MID2: variants seen among roughly 807,000 people sequenced by gnomAD.
MID2 encodes the protein probable E3 ubiquitin-protein ligase MID2.
Under a neutral mutation model 46.1 loss-of-function variants are expected in MID2, and 13 were observed. That is an observed-to-expected ratio of 0.28 (90% CI 0.18 to 0.45). The LOEUF is 0.45. MID2 is among the 20% of genes least tolerant of loss of function. The pLI, the probability that MID2 is intolerant of heterozygous loss-of-function variation, is 1.00. For missense variants in MID2, 431 were observed against 575.4 expected (o/e 0.75, Z 2.57); for synonymous variants, 199 against 212.3 (o/e 0.94, Z 0.55).
Position 107,889,044 on chromosome X carries a change from A to C in MID2, c.817-14914A>C, listed in dbSNP as rs772361420. On this transcript the variant is annotated intron_variant, in intron 3 of 9. Coordinates refer to ENST00000262843, the MANE Select transcript of MID2 (RefSeq NM_012216.4). Reference sequence around the variant, plus strand: ...CACTTGAGATGGGTTTCCTGAATACAGCACACTGATGGGTCTTGACTCTTT... The same window carrying C: ...CACTTGAGATGGGTTTCCTGAATACCGCACACTGATGGGTCTTGACTCTTT... 6.9e-3 allele frequency among the ~76,000 whole-genome samples: 763 copies of C among 111,347 alleles called. 5 individuals are homozygous for C. Among genetic ancestry groups the C allele is most frequent in the African/African-American group, 0.024 (730 of 30,522 alleles).
At chrX:107,870,263 A>C (rs1231266023) in intron 3 of MID2, among the ~76,000 whole-genome samples, 2 of 110,799 alleles carry the variant, frequency 1.8e-5, no homozygotes, top group Non-Finnish European at 3.8e-5. Flanking sequence ...CAGAACTGAA[A>C]TCAATCTATA....
rs1351066027 is a variant in MID2 at position 107,928,403 on chromosome X, A to G, written c.*1330A>G. 9.3e-6 allele frequency among the ~76,000 whole-genome samples: 1 copy of G among 107,505 alleles called. No homozygotes were observed. Among genetic ancestry groups the G allele is most frequent in the East Asian group, 2.9e-4 (1 of 3,483 alleles). The allele number at this position is 107,505 out of a possible 115,157, so 93.4% of individuals were successfully genotyped here. On this transcript the variant is annotated 3_prime_UTR_variant, in exon 10 of 10. Transcript: ENST00000262843. The stretch of plus-strand genomic sequence containing the variant: ...AGGGAATGGAGCCTTGTAGTCTATG[A>G]TTTTTTTTTTTAAATTTCCATCGAA...
rs1167806786 is a variant in MID2 at position 107,900,984 on chromosome X, C to G, written c.817-2974C>G. Among the ~76,000 whole-genome samples the G allele has an allele frequency of 1.8e-5, 2 of 111,846 alleles. 1 individual carries two copies. Among genetic ancestry groups the G allele is most frequent in the Middle Eastern group, 8.4e-3 (2 of 237 alleles). ...GTAATGAAGACATGATTTTTCCTGG[C>G]TTCAGAGTAGAGGAAGGATTATGAG... On this transcript the variant is annotated intron_variant, in intron 3 of 9. Coordinates refer to ENST00000262843, the MANE Select transcript of MID2 (RefSeq NM_012216.4).
chrX:107,841,031 G>A lies in MID2; in HGVS notation c.366G>A (p.Arg122=), dbSNP rs762588365. 14 of 1,209,506 alleles carry A rather than the reference G, an allele frequency of 1.2e-5. 1 individual carries two copies. The Admixed American group carries it at 1.5e-4, about 13-fold the overall frequency. The change falls in exon 2 of 10, where the codon CGG becomes CGA. Residue 122 remains arginine (R), a synonymous_variant. Coordinates refer to ENST00000262843, the MANE Select transcript of MID2 (RefSeq NM_012216.4). ...SGPNSPSESR[R]ERTYRPTTAM... ...CCAATTCCCCTAGTGAGAGCCGCCG[G>A]GAAAGGACTTACAGGCCCACCACTG...
At chrX:107,884,900 T>A (rs1285330977) in intron 3 of MID2, among the ~76,000 whole-genome samples, 1 of 111,605 alleles carries the variant, frequency 9.0e-6, no homozygotes, top group Non-Finnish European at 1.9e-5. Flanking sequence ...GTTGTGAAGA[T>A]CAAATATAGA....
intron 3 of MID2, among the ~76,000 whole-genome samples, chrX:107,869,759 C>T (rs1316002130): frequency 9.0e-6 from 1 of 110,616 alleles, no homozygotes; most frequent in East Asian, 2.8e-4. Flanking sequence ...TTTTTAAAAG[C>T]ATATGGAGAA....
intron 3 of MID2, among the ~76,000 whole-genome samples, chrX:107,877,469 G>A (rs1932224895): frequency 8.9e-6 from 1 of 112,226 alleles, no homozygotes; most frequent in Admixed American, 9.4e-5. Context: ...CCTTCTTTCA[G>A]TGAAAACTTG....
chrX:107,931,541 G>A lies in MID2; in HGVS notation c.*4468G>A, dbSNP rs928172203. Among the ~76,000 whole-genome samples, 1 of 111,985 alleles carries A rather than the reference G, an allele frequency of 8.9e-6. No individual in the cohort carries two copies. The highest frequency in any genetic ancestry group is 1.9e-5 in the Non-Finnish European group (1 of 53,178). On this transcript the variant is annotated 3_prime_UTR_variant, in exon 10 of 10. Transcript: ENST00000262843. Reference sequence around the variant, plus strand: ...GTCTCTCCTAGTGACAGAAATATGAGCATCTGTGGATTACACAGCCTCATC... The same window carrying A: ...GTCTCTCCTAGTGACAGAAATATGAACATCTGTGGATTACACAGCCTCATC...
At position 107,840,605 on chromosome X, in the gene MID2, A is replaced by G; in HGVS notation, c.5-65A>G. 3 of 913,019 alleles carry G rather than the reference A, an allele frequency of 3.3e-6. No homozygotes were observed. In the Admixed American group the frequency reaches 7.4e-5, roughly 22 times the overall value. 75.2% of individuals were successfully genotyped at this position (913,019 alleles called of 1,213,427 possible). A position where few individuals can be genotyped will look rare whatever the true frequency, so the allele number is the denominator to read the frequency against. ...CGTAAACGCGCCCATTGGTTAGTGT[A>G]TAATTGTGTTATATCCATTTTCCTT... On this transcript the variant is annotated intron_variant, in intron 1 of 9. Coordinates refer to ENST00000262843, the MANE Select transcript of MID2 (RefSeq NM_012216.4).
chrX:107,931,107 C>T lies in MID2; in HGVS notation c.*4034C>T, dbSNP rs1299841031. On this transcript the variant is annotated 3_prime_UTR_variant, in exon 10 of 10. Transcript: ENST00000262843. Reference sequence around the variant, plus strand: ...TTATCTGTTCTTTTCGGCTAAAACACTCTAGGTGAATTTTCTAAACTTCCA... The same window carrying T: ...TTATCTGTTCTTTTCGGCTAAAACATTCTAGGTGAATTTTCTAAACTTCCA... Among the ~76,000 whole-genome samples, 2 of 112,280 alleles carry T rather than the reference C, an allele frequency of 1.8e-5. No homozygotes were observed. The highest frequency in any genetic ancestry group is 6.5e-5 in the African/African-American group (2 of 30,975).
intron 5 of MID2, among the ~76,000 whole-genome samples, chrX:107,906,178 C>T (rs1932834186): frequency 9.0e-6 from 1 of 111,696 alleles, no homozygotes; most frequent in Middle Eastern, 4.2e-3. Context: ...CATCCATAGA[C>T]CACTGGCAAA....
chrX:107,850,462 G>T (rs969705338), intron 2 of MID2, among the ~76,000 whole-genome samples: 2 of 112,139 alleles, frequency 1.8e-5, no homozygotes, highest in Admixed American at 1.9e-4. Context: ...TAAATGAATA[G>T]GAAATGAGTA....
intron 5 of MID2, among the ~76,000 whole-genome samples, chrX:107,910,721 T>C (rs912915979): frequency 3.0e-5 from 3 of 99,657 alleles, no homozygotes; most frequent in African/African-American, 1.1e-4. Context: ...ATCTTATCTT[T>C]AACCCAGTTT....
intron 3 of MID2, among the ~76,000 whole-genome samples, chrX:107,872,680 A>AG (rs1932100938): frequency 8.9e-6 from 1 of 112,133 alleles, no homozygotes; most frequent in Admixed American, 9.4e-5. Context: ...TAGAGGGAGA[A>AG]AGGGAAGCAA....
intron 3 of MID2, among the ~76,000 whole-genome samples, chrX:107,872,295 T>C (rs1932087170): frequency 8.9e-6 from 1 of 111,818 alleles, no homozygotes; most frequent in Non-Finnish European, 1.9e-5. Flanking sequence ...CAAATATATG[T>C]CCAAAGAGGA....
intron 3 of MID2, among the ~76,000 whole-genome samples, chrX:107,900,580 C>T (rs990834103): frequency 5.4e-5 from 6 of 111,253 alleles, no homozygotes; most frequent in African/African-American, 2.0e-4. Flanking sequence ...TGGTACTTCT[C>T]GCACCACCTT....
chrX:107,928,540 A>G lies in MID2; in HGVS notation c.*1467A>G, dbSNP rs1415862455. ...TACTGTTGTAAAATTACAAAGTGGTAGCCATAACAACTCCCTCAGATTGGA... is the reference window on the plus strand; with the variant it reads ...TACTGTTGTAAAATTACAAAGTGGTGGCCATAACAACTCCCTCAGATTGGA... On this transcript the variant is annotated 3_prime_UTR_variant, in exon 10 of 10. Coordinates refer to ENST00000262843, the MANE Select transcript of MID2 (RefSeq NM_012216.4). Among the ~76,000 whole-genome samples, 1 of 111,686 alleles carries G rather than the reference A, an allele frequency of 9.0e-6. No individual in the cohort carries two copies. Among genetic ancestry groups the G allele is most frequent in the Admixed American group, 9.5e-5 (1 of 10,548 alleles).
chrX:107,840,600 A>T, intron 1 of MID2, 70 bp from the exon 2 acceptor site: 1 of 841,607 alleles, frequency 1.2e-6, no homozygotes, highest in East Asian at 3.1e-5. Context: ...CCCATTGGTT[A>T]GTGTATAATT....
chrX:107,849,074 A>G (rs924099473), intron 2 of MID2, among the ~76,000 whole-genome samples: 1 of 112,094 alleles, frequency 8.9e-6, no homozygotes, highest in African/African-American at 3.2e-5. Flanking sequence ...TCCCCTTCCT[A>G]TGCTCACCCC....
Sources: gnomAD v4.1 joint callset for allele counts (sites outside exome capture counted in the v4.1 genomes callset) on GRCh38, gnomAD v4.1.1 for gene constraint, MANE v1.5 for transcripts, NCBI Gene and HGNC (gene_info 2026-07-23, HGNC 2026-07-21) for gene names.